The following PRDM5 variants were observed in gnomAD, a reference collection of about 807,000 sequenced individuals.
PRDM5 encodes the protein PR domain zinc finger protein 5.
In PRDM5, 56 loss-of-function variants were observed where a neutral mutation model predicts 81.2. The ratio of observed to expected loss-of-function variants is 0.69; its 90% CI spans 0.56 to 0.86. The LOEUF is 0.86. PRDM5 is among the 40% of genes least tolerant of loss of function. PRDM5 has a pLI of 0.00. For missense variants in PRDM5, 697 were observed against 770.1 expected (o/e 0.91, Z 1.12); for synonymous variants, 267 against 256.4 (o/e 1.04, Z -0.39).
At chr4:120,834,782 C>T (rs1045731721) in intron 3 of PRDM5, among the ~76,000 whole-genome samples, 1 of 152,154 alleles carries the variant, frequency 6.6e-6, no homozygotes, top group Non-Finnish European at 1.5e-5. Context: ...GCTGACTCTC[C>T]TCCAAGCAAG....
At chr4:120,840,039 T>C (rs530704965) in intron 3 of PRDM5, among the ~76,000 whole-genome samples, 2 of 152,274 alleles carry the variant, frequency 1.3e-5, no homozygotes, top group South Asian at 4.1e-4. Flanking sequence ...GGAGCAGGCA[T>C]TTCAGAGCCT....
intron 3 of PRDM5, among the ~76,000 whole-genome samples, chr4:120,853,181 T>C (rs1005036012): frequency 2.0e-5 from 3 of 152,160 alleles, no homozygotes; most frequent in Admixed American, 1.3e-4. Context: ...AAGGACAATA[T>C]CAGACTGTGT....
At chr4:120,774,806 G>C (rs765276332) in intron 13 of PRDM5, among the ~76,000 whole-genome samples, 28 of 151,552 alleles carry the variant, frequency 1.8e-4, no homozygotes, top group Non-Finnish European at 3.2e-4. Context: ...TAACTAGATA[G>C]ACAATTAGAA....
At chr4:120,840,797 G>T (rs955138645) in intron 3 of PRDM5, among the ~76,000 whole-genome samples, 1 of 152,204 alleles carries the variant, frequency 6.6e-6, no homozygotes, top group Non-Finnish European at 1.5e-5. Context: ...GGGGCTATCT[G>T]CCTCCTCCCC....
chr4:120,805,278 A>T (rs1418641560), intron 8 of PRDM5, among the ~76,000 whole-genome samples: 3 of 152,354 alleles, frequency 2.0e-5, no homozygotes, highest in Non-Finnish European at 4.4e-5. Context: ...AGGTACAAGG[A>T]GGAGCTGGTA....
At chr4:120,714,296 A>G (rs1315633446) in intron 14 of PRDM5, among the ~76,000 whole-genome samples, 1 of 152,228 alleles carries the variant, frequency 6.6e-6, no homozygotes, top group Non-Finnish European at 1.5e-5. Context: ...AATGAGATAT[A>G]TAATAGACTA....
intron 14 of PRDM5, among the ~76,000 whole-genome samples, chr4:120,737,341 T>C (rs1454790448): frequency 6.6e-6 from 1 of 151,930 alleles, no homozygotes; most frequent in African/African-American, 2.4e-5. Flanking sequence ...TCCCATATGG[T>C]AAAATGTGGA....
chr4:120,738,762 G>T lies in PRDM5; in HGVS notation c.1623+15791C>A, dbSNP rs564847400. On this transcript the variant is annotated intron_variant, in intron 14 of 15. Transcript: ENST00000264808. ...AATGTTTATCATTTAAAATATAGAA[G>T]AATATTACACAATTAAAATTGTACT... is the stretch of plus-strand genomic sequence containing the variant. Among the ~76,000 whole-genome samples the T allele has an allele frequency of 2.0e-5, 3 of 152,106 alleles. No individual in the cohort carries two copies. The South Asian group carries it at 6.2e-4, about 32-fold the overall frequency.
chr4:120,798,378 C>T lies in PRDM5; in HGVS notation c.1077G>A (p.Arg359=). 5 of 1,612,970 alleles carry T rather than the reference C, an allele frequency of 3.1e-6. No individual in the cohort carries two copies. The highest frequency in any genetic ancestry group is 4.2e-6 in the Non-Finnish European group (5 of 1,179,202). The part of the protein sequence containing the change: ...NCEICNKSFK[R]LDQVGAHKVI... ...CTTTGTGAGCACCCACTTGATCAAG[C>T]CTCTTGAAAGACTTATTACAAATCT... Residue 359 remains arginine, a synonymous_variant, in exon 10 of 16, where the codon AGG becomes AGA. Transcript: ENST00000264808.
intron 14 of PRDM5, among the ~76,000 whole-genome samples, chr4:120,746,855 C>G (rs1188063941): frequency 1.4e-5 from 2 of 148,126 alleles, no homozygotes; most frequent in Non-Finnish European, 3.0e-5. Context: ...ACTACTTCAA[C>G]CATTGTGGAA....
At chr4:120,866,779 C>T (rs561164164) in intron 2 of PRDM5, among the ~76,000 whole-genome samples, 4 of 152,264 alleles carry the variant, frequency 2.6e-5, no homozygotes, top group Non-Finnish European at 5.9e-5. Flanking sequence ...ACTGACTTCC[C>T]ATAACTCACA....
chr4:120,814,901 A>T (rs1196804422), intron 7 of PRDM5, among the ~76,000 whole-genome samples: 1 of 152,220 alleles, frequency 6.6e-6, no homozygotes, highest in Non-Finnish European at 1.5e-5. Context: ...AATATATATA[A>T]AACAAGATTT....
At chr4:120,774,934 ATGTATATATGTGTGTG>A in intron 13 of PRDM5, among the ~76,000 whole-genome samples, 7 of 148,432 alleles carry the variant, frequency 4.7e-5, no homozygotes, top group Non-Finnish European at 7.4e-5. Flanking sequence ...ATATATGTAT[ATGTATATATGTGTGTG>A]TATATGTATA....
chr4:120,754,508 T>C (rs1385975210), intron 14 of PRDM5, 45 bp downstream of exon 14: 1 of 1,325,840 alleles, frequency 7.5e-7, no homozygotes, highest in African/African-American at 1.4e-5. Context: ...TTAAAATAAG[T>C]ATGGTTTTCA....
chr4:120,881,200 A>C (rs1762810619), intron 2 of PRDM5, among the ~76,000 whole-genome samples: 1 of 152,206 alleles, frequency 6.6e-6, no homozygotes, highest in African/African-American at 2.4e-5. Context: ...CACAAATCAC[A>C]CAAAGATTTT....
At chr4:120,888,268 C>T (rs1763681075) in intron 2 of PRDM5, among the ~76,000 whole-genome samples, 1 of 152,180 alleles carries the variant, frequency 6.6e-6, no homozygotes, top group Non-Finnish European at 1.5e-5. Flanking sequence ...CAGATATCTA[C>T]TTCTAATCAC....
intron 3 of PRDM5, among the ~76,000 whole-genome samples, chr4:120,850,085 G>A (rs1189048309): frequency 6.6e-6 from 1 of 151,938 alleles, no homozygotes; most frequent in Admixed American, 6.6e-5. Context: ...TCTCCAAGAA[G>A]GAGTTCCAAT....
rs747924090 is a variant in PRDM5 at position 120,922,507 on chromosome 4, G to C, written c.93+9C>G. Reference sequence around the variant, plus strand: ...GCAGGGGCGCGCAGGCCGCCGCCGGGTCACCCACCTTTCGCACTCTGCGGG... The same window carrying C: ...GCAGGGGCGCGCAGGCCGCCGCCGGCTCACCCACCTTTCGCACTCTGCGGG... On this transcript the variant is annotated intron_variant, in intron 1 of 15. Coordinates refer to ENST00000264808, the MANE Select transcript of PRDM5 (RefSeq NM_018699.4). The C allele has an allele frequency of 1.9e-6, 3 of 1,593,160 alleles. No homozygotes were observed. The highest frequency in any genetic ancestry group is 2.6e-6 in the Non-Finnish European group (3 of 1,171,124).
At chr4:120,813,127 G>T (rs879898825) in intron 7 of PRDM5, 2 of 152,584 alleles carry the variant, frequency 1.3e-5, no homozygotes, top group Non-Finnish European at 2.9e-5. Context: ...GCCAGATTCT[G>T]TCTTCTTATG....
Sources: gnomAD v4.1 joint callset for allele counts (sites outside exome capture counted in the v4.1 genomes callset) on GRCh38, gnomAD v4.1.1 for gene constraint, MANE v1.5 for transcripts, NCBI Gene and HGNC (gene_info 2026-07-23, HGNC 2026-07-21) for gene names.